CCNH: variants seen among roughly 807,000 people sequenced by gnomAD.
The protein encoded by CCNH is cyclin H, also known as cyclin-H.
CCNH carries 31 observed loss-of-function variants against 41.9 expected under a neutral mutation model. The ratio of observed to expected loss-of-function variants is 0.74; its 90% CI spans 0.56 to 1.00. The LOEUF (loss-of-function observed/expected upper bound fraction) is 1.00. Ranked by LOEUF, CCNH falls within the 50% of genes least tolerant of loss-of-function variation. The pLI, the probability that CCNH is intolerant of heterozygous loss-of-function variation, is 0.00. For synonymous variants in CCNH, 138 were observed against 136.1 expected, an observed-to-expected ratio of 1.01 and a Z score of -0.10; for missense variants, 362 against 388.4, an observed-to-expected ratio of 0.93 and a Z score of 0.57.
At chr5:87,388,384 G>A (rs912947317), downstream of CCNH, among the ~76,000 whole-genome samples, 2 of 152,084 alleles carry the variant, frequency 1.3e-5, no homozygotes, top group African/African-American at 4.8e-5. Context: ...ATTTAGTGTC[G>A]ATAATAAAGT....
Position 87,377,012 on chromosome 5 carries a change from A to C in CCNH, n.169T>G. The C allele has an allele frequency of 6.2e-7, 1 of 1,613,882 alleles. No individual in the cohort carries two copies. Among genetic ancestry groups the C allele is most frequent in the African/African-American group, 1.3e-5 (1 of 75,058 alleles). On this transcript the variant is annotated non_coding_transcript_exon_variant, in exon 1 of 1. Transcript: ENST00000607486. ...AGCTTGAATCGTTGTTGTTATGCAC[A>C]CTAAATGACAGAGAAATAAGCATGG...
chr5:87,384,395 T>A (rs954266296), intron 9 of CCNH, among the ~76,000 whole-genome samples: 1 of 152,184 alleles, frequency 6.6e-6, no homozygotes, highest in African/African-American at 2.4e-5. Context: ...TTGAATGTAA[T>A]AATGAACCAT....
chr5:87,389,452 A>G (rs766526403), downstream of CCNH: 16 of 1,614,192 alleles, frequency 9.9e-6, no homozygotes, highest in South Asian at 1.8e-4. Context: ...CCCGTGATTT[A>G]GCAGCATTGC....
Position 87,340,353 on chromosome 5 carries a change from A to G in CCNH, c.*91-21456T>C, listed in dbSNP as rs115960472. 1.4e-3 allele frequency among the ~76,000 whole-genome samples: 215 copies of G among 151,926 alleles called. 1 individual carries two copies. The highest frequency in any genetic ancestry group is 4.9e-3 in the African/African-American group (205 of 41,464). On this transcript the variant is annotated intron_variant and NMD_transcript_variant, in intron 9 of 9. Transcript: ENST00000645953. Reference sequence around the variant, plus strand: ...CTGTCTAAAATTAATAATTGTGTAAAACTCTTCTACAAGAGATTAACTCCT... The same window carrying G: ...CTGTCTAAAATTAATAATTGTGTAAGACTCTTCTACAAGAGATTAACTCCT...
At chr5:87,391,631 A>T (rs757684576), downstream of CCNH, 62 of 234,238 alleles carry the variant, frequency 2.6e-4, no homozygotes, top group Non-Finnish European at 6.7e-5. Context: ...TGGTTGTTGT[A>T]TTGATCAATG....
chr5:87,401,639 A>T, intron 6 of CCNH, 63 bp downstream of exon 6: 1 of 987,118 alleles, frequency 1.0e-6, no homozygotes, highest in Non-Finnish European at 1.5e-6. Flanking sequence ...ACACCAAGAG[A>T]TTTATTTAGA....
chr5:87,389,942 T>G (rs1762368352), downstream of CCNH, among the ~76,000 whole-genome samples: 1 of 152,220 alleles, frequency 6.6e-6, no homozygotes, highest in African/African-American at 2.4e-5. Context: ...TTGGGATGTT[T>G]GTCAAATTTC....
intron 9 of CCNH, among the ~76,000 whole-genome samples, chr5:87,342,439 A>C (rs1182915455): frequency 1.3e-5 from 2 of 152,182 alleles, no homozygotes; most frequent in Admixed American, 1.3e-4. Context: ...AATTACAGGC[A>C]TGAGCCACTG....
chr5:87,319,196 C>T (rs1277011053), intron 9 of CCNH, among the ~76,000 whole-genome samples: 1 of 152,230 alleles, frequency 6.6e-6, no homozygotes, highest in Non-Finnish European at 1.5e-5. Context: ...GCATTGAGTG[C>T]CTGCAACTTT....
chr5:87,358,162 A>G (rs1759795371), intron 9 of CCNH, among the ~76,000 whole-genome samples: 1 of 152,172 alleles, frequency 6.6e-6, no homozygotes, highest in Admixed American at 6.5e-5. Context: ...GATGCTGGCA[A>G]AGGCTAAGAA....
downstream of CCNH, chr5:87,376,156 T>G: frequency 1.8e-6 from 1 of 557,532 alleles, no homozygotes; most frequent in Non-Finnish European, 3.2e-6. Context: ...AACTGACCTC[T>G]ATGCAACTCA....
rs918052066 is a variant in CCNH at position 87,405,004 on chromosome 5, G to A, written c.529C>T (p.Arg177Cys). The A allele has an allele frequency of 3.9e-5, 63 of 1,607,438 alleles. No homozygotes were observed. Among genetic ancestry groups the A allele is most frequent in the Middle Eastern group, 1.7e-4 (1 of 6,050 alleles). ...TCTGGATTCTCCAATATGGGATAGC[G>A]GGTCTACAAAGAAAGTTTGCAAATG... ...FEGFLIDLKT[R>C]YPILENPEIL... Residue 177 changes from arginine to cysteine, a missense_variant, in exon 5 of 9, where the codon CGC becomes TGC. Transcript: ENST00000256897.
intron 7 of CCNH, among the ~76,000 whole-genome samples, chr5:87,397,357 G>A (rs565074766): frequency 1.3e-5 from 2 of 151,912 alleles, no homozygotes; most frequent in South Asian, 2.1e-4. Flanking sequence ...ACGGGGTTTC[G>A]CCATGTTGGC....
chr5:87,395,206 GAAC>G (rs1191388265), intron 7 of CCNH, 102 bp from the exon 8 acceptor site: 2 of 862,558 alleles, frequency 2.3e-6, no homozygotes, highest in Non-Finnish European at 1.8e-6. Flanking sequence ...TGTATCTACT[GAAC>G]AACAAGGCCA....
At chr5:87,378,197 G>A (rs542355519), upstream of CCNH, among the ~76,000 whole-genome samples, 1 of 152,232 alleles carries the variant, frequency 6.6e-6, no homozygotes, top group South Asian at 2.1e-4. Flanking sequence ...ATCTAATGAG[G>A]TAATACATAT....
chr5:87,412,647 G>A (rs1043374279), intron 1 of CCNH, 31 bp downstream of exon 1: 12 of 1,611,158 alleles, frequency 7.4e-6, no homozygotes, highest in South Asian at 1.1e-5. Flanking sequence ...TTAGTGACCG[G>A]GCAACTGGGC....
chr5:87,401,825 A>G lies in CCNH; in HGVS notation c.690-53T>C, dbSNP rs1374919638. The G allele has an allele frequency of 3.6e-5, 39 of 1,071,358 alleles. No homozygotes were observed. The South Asian group carries it at 5.1e-4, about 14-fold the overall frequency. The allele number at this position is 1,071,358 out of a possible 1,614,324, so 66.4% of individuals were successfully genotyped here. A position where few individuals can be genotyped will look rare whatever the true frequency, so the allele number is the denominator to read the frequency against. ...TTGAAAACATACAGCACATTGAGAAAACATGACATCATAAATTATTTTCCT... is the reference window on the plus strand; with the variant it reads ...TTGAAAACATACAGCACATTGAGAAGACATGACATCATAAATTATTTTCCT... On this transcript the variant is annotated intron_variant, in intron 5 of 8. Transcript: ENST00000256897.
chr5:87,394,622 A>T (rs546342650), intron 8 of CCNH, 138 bp from the exon 9 acceptor site: 2 of 1,482,674 alleles, frequency 1.3e-6, no homozygotes, highest in Admixed American at 2.3e-5. Context: ...ATTTTGTAAT[A>T]GTTCACTGTT....
downstream of CCNH, among the ~76,000 whole-genome samples, chr5:87,315,013 G>A (rs185883229): frequency 5.8e-4 from 88 of 152,232 alleles, 1 homozygote; most frequent in Admixed American, 1.2e-3. Flanking sequence ...TTATATTTGG[G>A]AGCTAGGCAG....
Sources: allele counts gnomAD v4.1 joint callset (sites outside exome capture counted in the v4.1 genomes callset), GRCh38; gene constraint gnomAD v4.1.1; transcripts MANE v1.5; gene names NCBI Gene and HGNC (gene_info 2026-07-23, HGNC 2026-07-21).